The following BORA variants were observed in gnomAD, a reference collection of about 807,000 sequenced individuals.
The protein encoded by BORA is BORA aurora kinase A activator, also known as protein aurora borealis.
Under a neutral mutation model 55.8 loss-of-function variants are expected in BORA, and 26 were observed. The ratio of observed to expected loss-of-function variants is 0.47; its 90% CI spans 0.34 to 0.65. The LOEUF is 0.65. Ranked by LOEUF, BORA falls within the 30% of genes least tolerant of loss-of-function variation. The pLI is 0.01. For missense variants in BORA, 568 were observed against 671.5 expected (o/e 0.85, Z 1.70); for synonymous variants, 201 against 216.9 (o/e 0.93, Z 0.64).
At chr13:72,736,104 A>G (rs1255994151) in intron 4 of BORA, among the ~76,000 whole-genome samples, 2 of 151,946 alleles carry the variant, frequency 1.3e-5, no homozygotes, top group Non-Finnish European at 2.9e-5. Context: ...TCTTCTATCT[A>G]GTAACTGCAC....
At chr13:72,755,020 C>G (rs1289720485) in intron 11 of BORA, 131 bp from the exon 12 acceptor site, 4 of 667,882 alleles carry the variant, frequency 6.0e-6, no homozygotes, top group South Asian at 1.9e-5. Flanking sequence ...TTATAAAATA[C>G]TGTATCTTTA....
At chr13:72,753,443 C>T (rs2033335876) in intron 10 of BORA, 2 of 322,204 alleles carry the variant, frequency 6.2e-6, no homozygotes, top group Non-Finnish European at 1.1e-5. Flanking sequence ...GTAGGCTGTT[C>T]ACTGATTCTT....
chr13:72,750,350 A>C (rs2033241621), intron 10 of BORA, among the ~76,000 whole-genome samples: 2 of 152,248 alleles, frequency 1.3e-5, no homozygotes, highest in African/African-American at 2.4e-5. Context: ...GGAAGGTTAA[A>C]GAAGAAGTAA....
chr13:72,754,921 C>A, intron 11 of BORA: 1 of 425,556 alleles, frequency 2.3e-6, no homozygotes, highest in South Asian at 3.1e-5. Flanking sequence ...ACTATGTTGC[C>A]AGGGCTAGTC....
At chr13:72,738,419 T>G (rs1256429702) in intron 5 of BORA, among the ~76,000 whole-genome samples, 1 of 152,164 alleles carries the variant, frequency 6.6e-6, no homozygotes, top group African/African-American at 2.4e-5. Context: ...TTTTGCTAAT[T>G]TGCTGATTTC....
intron 2 of BORA, among the ~76,000 whole-genome samples, chr13:72,729,554 G>A (rs925894230): frequency 2.0e-5 from 3 of 152,170 alleles, no homozygotes; most frequent in Non-Finnish European, 1.5e-5. Context: ...CAAACTTTCT[G>A]TTAGGGGCCA....
intron 5 of BORA, among the ~76,000 whole-genome samples, chr13:72,741,979 C>A (rs979651082): frequency 1.3e-5 from 2 of 152,058 alleles, no homozygotes; most frequent in African/African-American, 4.8e-5. Context: ...GCTTTGTAAG[C>A]CATTGAGGTG....
chr13:72,728,938 G>C lies in BORA; in HGVS notation c.-3G>C. The C allele has an allele frequency of 6.3e-7, 1 of 1,594,766 alleles. No homozygotes were observed. The highest frequency in any genetic ancestry group is 8.5e-7 in the Non-Finnish European group (1 of 1,174,138). ...GATTTCTTTTTAGTTTTCTCTCTGTGCTATGGGAGATGTCAAGGAATCAAA... is the reference window on the plus strand; with the variant it reads ...GATTTCTTTTTAGTTTTCTCTCTGTCCTATGGGAGATGTCAAGGAATCAAA... On this transcript the variant is annotated 5_prime_UTR_variant, in exon 2 of 12. Transcript: ENST00000390667.
chr13:72,747,909 A>G (rs913477000), intron 10 of BORA, among the ~76,000 whole-genome samples: 8 of 152,258 alleles, frequency 5.3e-5, no homozygotes, highest in Middle Eastern at 6.8e-3. Flanking sequence ...TCATGAAATT[A>G]TACATTTCCA....
chr13:72,743,283 T>C (rs1476015224), intron 5 of BORA, among the ~76,000 whole-genome samples: 2 of 152,182 alleles, frequency 1.3e-5, no homozygotes, highest in Non-Finnish European at 2.9e-5. Context: ...TATACAATTA[T>C]TTAAAGAAAA....
chr13:72,750,355 A>T (rs188748575), intron 10 of BORA, among the ~76,000 whole-genome samples: 58 of 152,336 alleles, frequency 3.8e-4, no homozygotes, highest in Non-Finnish European at 6.9e-4. Context: ...GTTAAAGAAG[A>T]AGTAATGAAA....
Position 72,747,019 on chromosome 13 carries a change from A to G in BORA, c.1390A>G (p.Ser464Gly), listed in dbSNP as rs372134251. The G allele has an allele frequency of 3.6e-5, 58 of 1,614,010 alleles. No homozygotes were observed. Among genetic ancestry groups the G allele is most frequent in the Non-Finnish European group, 4.7e-5 (55 of 1,180,006 alleles). The part of the protein sequence containing the change: ...NGSLPMTDFV[S>G]GIAFSIENSH... ...CAGTTTACCCATGACTGATTTTGTA[A>G]GTGGCATTGCCTTCAGTATTGAAAA... The change falls in exon 10 of 12, where the codon AGT becomes GGT. Residue 464 changes from serine to glycine, a missense_variant. Transcript: ENST00000390667.
intron 6 of BORA, among the ~76,000 whole-genome samples, chr13:72,744,247 G>T (rs2033095619): frequency 6.6e-6 from 1 of 152,194 alleles, no homozygotes; most frequent in African/African-American, 2.4e-5. Context: ...ATATAGGCTG[G>T]CTTCCTTTTC....
chr13:72,742,797 CACACACACACACACAA>C (rs972022845), intron 5 of BORA, among the ~76,000 whole-genome samples: 3 of 132,354 alleles, frequency 2.3e-5, no homozygotes, highest in African/African-American at 1.2e-4. Context: ...CACACACACA[CACACACACACACACAA>C]AATGGAATAC....
In BORA at chr13:72,756,051, T is replaced by G. The variant is rs887820465; in HGVS notation, c.*835T>G. On this transcript the variant is annotated 3_prime_UTR_variant, in exon 12 of 12. Transcript: ENST00000390667. The stretch of plus-strand genomic sequence containing the variant: ...AGATATGTATGTTATATACAACTAT[T>G]TTTTTAAAAAACTTATATCCATGTT... The G allele has an allele frequency of 7.5e-6, 3 of 398,320 alleles. No homozygotes were observed. The highest frequency in any genetic ancestry group is 8.9e-6 in the Non-Finnish European group (2 of 225,914). 24.7% of individuals were successfully genotyped at this position (398,320 alleles called of 1,614,324 possible). A position where few individuals can be genotyped will look rare whatever the true frequency, so the allele number is the denominator to read the frequency against.
In BORA at chr13:72,755,273, G is replaced by A; in HGVS notation, c.*57G>A. On this transcript the variant is annotated 3_prime_UTR_variant, in exon 12 of 12. Transcript: ENST00000390667. ...AAGAGTTCCTCGCATATATCGTTGT[G>A]CACAGGATCAACATGATGGTGACTG... is the stretch of plus-strand genomic sequence containing the variant. 7.0e-7 allele frequency: 1 copy of A among 1,427,198 alleles called. No homozygotes were observed. The highest frequency in any genetic ancestry group is 9.8e-7 in the Non-Finnish European group (1 of 1,015,520). The allele number at this position is 1,427,198 out of a possible 1,614,324, so 88.4% of individuals were successfully genotyped here. A position where few individuals can be genotyped will look rare whatever the true frequency, so the allele number is the denominator to read the frequency against.
At chr13:72,729,119 CA>C in intron 2 of BORA, 26 bp downstream of exon 2, 1 of 1,472,822 alleles carries the variant, frequency 6.8e-7, no homozygotes, top group Non-Finnish European at 9.1e-7. Flanking sequence ...CTAGTGTTTA[CA>C]ACTAATTTTA....
intron 10 of BORA, among the ~76,000 whole-genome samples, chr13:72,748,253 A>G (rs931969179): frequency 1.3e-5 from 2 of 152,208 alleles, no homozygotes; most frequent in Non-Finnish European, 2.9e-5. Flanking sequence ...TAAGTAAATT[A>G]CCTAAAGTTT....
At chr13:72,729,207 T>C in intron 2 of BORA, 114 bp downstream of exon 2, 1 of 860,242 alleles carries the variant, frequency 1.2e-6, no homozygotes, top group Non-Finnish European at 1.7e-6. Context: ...TTATGGAGCA[T>C]ATATAGCTGC....
Sources: allele counts gnomAD v4.1 joint callset (sites outside exome capture counted in the v4.1 genomes callset), GRCh38; gene constraint gnomAD v4.1.1; transcripts MANE v1.5; gene names NCBI Gene and HGNC (gene_info 2026-07-23, HGNC 2026-07-21).